Variants in CYP46A1 observed in about 807,000 individuals in gnomAD.
CYP46A1 encodes cytochrome P450 family 46 subfamily A member 1, also known as cholesterol 24-hydroxylase.
A neutral mutation model predicts 63.3 loss-of-function variants in CYP46A1; 20 were observed. That is an observed-to-expected ratio of 0.32 (90% CI 0.22 to 0.46). The LOEUF (loss-of-function observed/expected upper bound fraction) is 0.46. Ranked by LOEUF, CYP46A1 falls within the 20% of genes least tolerant of loss-of-function variation. CYP46A1 has a pLI of 1.00. For synonymous variants in CYP46A1, 268 were observed against 273.6 expected, an observed-to-expected ratio of 0.98 and a Z score of 0.20; for missense variants, 445 against 670.8, an observed-to-expected ratio of 0.66 and a Z score of 3.72.
Position 99,700,106 on chromosome 14 carries a change from G to T in CYP46A1, c.443+5G>T. 2 of 1,593,200 alleles carry T rather than the reference G, an allele frequency of 1.3e-6. No homozygotes were observed. Among genetic ancestry groups the T allele is most frequent in the Non-Finnish European group, 8.6e-7 (1 of 1,165,994 alleles). ...AGACCTGGCCTTCAGCCGGAGGTGA[G>T]TGTGGCCGGAGGCTCCGTGGCTCCT... On this transcript the variant is annotated splice_donor_5th_base_variant and intron_variant, in intron 5 of 14. Coordinates refer to ENST00000261835, the MANE Select transcript of CYP46A1 (RefSeq NM_006668.2).
In CYP46A1 at chr14:99,719,802, C is replaced by T. The variant is rs149137705; in HGVS notation, c.981-1437C>T. ...TTTAAGACAGAGTCTCACTCTGTCG[C>T]CCAGGCTGCAGTGCAGTGGCACAAT... On this transcript the variant is annotated intron_variant, in intron 10 of 14. Transcript: ENST00000261835. Among the ~76,000 whole-genome samples the T allele has an allele frequency of 4.9e-3, 730 of 148,802 alleles. 16 individuals are homozygous for T. In the Middle Eastern group the frequency reaches 0.051, roughly 10 times the overall value.
In CYP46A1 at chr14:99,726,745, A is replaced by C. The variant is rs928735159; in HGVS notation, c.*18A>C. ...CCTGCTGAGGGGGCCTCCAGGCAGG[A>C]CGAGACTCCTCGGGCAAGGGCCGTG... On this transcript the variant is annotated 3_prime_UTR_variant, in exon 15 of 15. Transcript: ENST00000261835. 3.3e-6 allele frequency: 5 copies of C among 1,498,652 alleles called. No individual in the cohort carries two copies. Among genetic ancestry groups the C allele is most frequent in the Non-Finnish European group, 4.5e-6 (5 of 1,120,616 alleles). The allele number at this position is 1,498,652 out of a possible 1,614,324, so 92.8% of individuals were successfully genotyped here.
At chr14:99,687,387 C>T (rs1398796612) in intron 1 of CYP46A1, among the ~76,000 whole-genome samples, 5 of 152,222 alleles carry the variant, frequency 3.3e-5, no homozygotes, top group African/African-American at 9.7e-5. Context: ...GGTTCCACTC[C>T]GATTTGCCCA....
At position 99,721,361 on chromosome 14, in the gene CYP46A1, G is replaced by A. The variant is rs372563862; in HGVS notation, c.1065+38G>A. 24 of 1,393,770 alleles carry A rather than the reference G, an allele frequency of 1.7e-5. No individual in the cohort carries two copies. In the East Asian group the frequency reaches 1.8e-4, roughly 11 times the overall value. The allele number at this position is 1,393,770 out of a possible 1,614,324, so 86.3% of individuals were successfully genotyped here. A position where few individuals can be genotyped will look rare whatever the true frequency, so the allele number is the denominator to read the frequency against. On this transcript the variant is annotated intron_variant, in intron 11 of 14. Coordinates refer to ENST00000261835, the MANE Select transcript of CYP46A1 (RefSeq NM_006668.2). ...GGAGGGAAGCTTCTGGGCGGATGTG[G>A]GTGATCATGTCATCATGCCTGCTTC...
chr14:99,716,064 G>T (rs1259909081), intron 8 of CYP46A1, 73 bp from the exon 9 acceptor site: 1 of 1,608,258 alleles, frequency 6.2e-7, no homozygotes, highest in African/African-American at 1.3e-5. Flanking sequence ...GAGAAACACA[G>T]TTAGTTATTT....
At chr14:99,696,948 CTT>C (rs1254164897) in intron 3 of CYP46A1, among the ~76,000 whole-genome samples, 1 of 152,168 alleles carries the variant, frequency 6.6e-6, no homozygotes, top group Non-Finnish European at 1.5e-5. Flanking sequence ...CTAGAGTAGA[CTT>C]TTACTTGAGA....
At chr14:99,710,264 A>G (rs1280252804) in intron 7 of CYP46A1, 1 of 152,104 alleles carries the variant, frequency 6.6e-6, no homozygotes, top group Non-Finnish European at 1.5e-5. Flanking sequence ...CAAAATATAT[A>G]CAGAAAACAA....
At position 99,707,657 on chromosome 14, in the gene CYP46A1, G is replaced by A. The variant is rs569614577; in HGVS notation, c.672G>A (p.Ala224=). ...AVKLMLEGIT[A]SRNTLAKFLP... ...AACTTATGTTGGAGGGAATCACTGCGTCCCGCAACACTCTGGCAAAGGTAC... is the reference window on the plus strand; with the variant it reads ...AACTTATGTTGGAGGGAATCACTGCATCCCGCAACACTCTGGCAAAGGTAC... The change falls in exon 7 of 15, where the codon GCG becomes GCA. Residue 224 remains alanine (A), a synonymous_variant. Coordinates refer to ENST00000261835, the MANE Select transcript of CYP46A1 (RefSeq NM_006668.2). The A allele has an allele frequency of 1.9e-5, 31 of 1,613,972 alleles. No homozygotes were observed. The highest frequency in any genetic ancestry group is 1.6e-4 in the African/African-American group (12 of 74,994).
intron 5 of CYP46A1, among the ~76,000 whole-genome samples, chr14:99,704,354 C>T (rs543775377): frequency 1.3e-5 from 2 of 152,228 alleles, no homozygotes; most frequent in African/African-American, 4.8e-5. Flanking sequence ...TTAGAAGATG[C>T]CTGTGTTTAT....
rs190228579 is a variant in CYP46A1 at position 99,726,868 on chromosome 14, C to A, written c.*141C>A. ...GGCTTCCAGCGGGCCCTCTGCCGACCGCCTGCTTCACACCCCTCAGCGCTC... is the reference window on the plus strand; with the variant it reads ...GGCTTCCAGCGGGCCCTCTGCCGACAGCCTGCTTCACACCCCTCAGCGCTC... On this transcript the variant is annotated 3_prime_UTR_variant, in exon 15 of 15. Coordinates refer to ENST00000261835, the MANE Select transcript of CYP46A1 (RefSeq NM_006668.2). 5.2e-3 allele frequency: 3,410 copies of A among 661,288 alleles called. 10 individuals are homozygous for A. Among genetic ancestry groups the A allele is most frequent in the Middle Eastern group, 0.011 (25 of 2,290 alleles). 41.0% of individuals were successfully genotyped at this position (661,288 alleles called of 1,614,324 possible).
At chr14:99,719,587 G>A (rs1460344293) in intron 10 of CYP46A1, among the ~76,000 whole-genome samples, 4 of 151,596 alleles carry the variant, frequency 2.6e-5, no homozygotes, top group African/African-American at 9.7e-5. Context: ...CCCCATCCCT[G>A]GTAACCACCA....
intron 6 of CYP46A1, among the ~76,000 whole-genome samples, chr14:99,707,299 T>A (rs976069029): frequency 2.6e-5 from 4 of 152,234 alleles, no homozygotes; most frequent in African/African-American, 7.2e-5. Flanking sequence ...TAGTATAGAA[T>A]GAACACTTAA....
chr14:99,691,198 G>T, intron 2 of CYP46A1, 37 bp downstream of exon 2: 2 of 1,606,956 alleles, frequency 1.2e-6, no homozygotes, highest in East Asian at 2.2e-5. Context: ...CCTTACTCCA[G>T]GTTCCCTTGG....
intron 1 of CYP46A1, among the ~76,000 whole-genome samples, chr14:99,686,113 A>G (rs1357271896): frequency 6.6e-6 from 1 of 152,188 alleles, no homozygotes; most frequent in Non-Finnish European, 1.5e-5. Context: ...GTACATGCAT[A>G]GTAGACACTC....
chr14:99,692,649 G>C (rs1381478902), intron 3 of CYP46A1, among the ~76,000 whole-genome samples: 4 of 152,136 alleles, frequency 2.6e-5, no homozygotes, highest in African/African-American at 9.7e-5. Flanking sequence ...GGCCAACATG[G>C]TGAAACCCTA....
At position 99,727,066 on chromosome 14, in the gene CYP46A1, C is replaced by T; in HGVS notation, c.*339C>T. 1 of 290,064 alleles carries T rather than the reference C, an allele frequency of 3.4e-6. No homozygotes were observed. The allele number at this position is 290,064 out of a possible 1,614,324, so 18.0% of individuals were successfully genotyped here. A position where few individuals can be genotyped will look rare whatever the true frequency, so the allele number is the denominator to read the frequency against. Reference sequence around the variant, plus strand: ...CAGGGGTCACCTCCTCCAAGAAGCCCTCCTTGCCACCCCCCGCCGGCAGGG... The same window carrying T: ...CAGGGGTCACCTCCTCCAAGAAGCCTTCCTTGCCACCCCCCGCCGGCAGGG... On this transcript the variant is annotated 3_prime_UTR_variant, in exon 15 of 15. Coordinates refer to ENST00000261835, the MANE Select transcript of CYP46A1 (RefSeq NM_006668.2).
intron 3 of CYP46A1, chr14:99,693,691 TTTC>T (rs1347651879): frequency 1.3e-5 from 2 of 152,224 alleles, no homozygotes; most frequent in Non-Finnish European, 2.9e-5. Context: ...AGTGATGTTA[TTTC>T]TTCTTTTAAT....
At chr14:99,718,201 TC>T in intron 10 of CYP46A1, 75 bp downstream of exon 10, 1 of 1,325,706 alleles carries the variant, frequency 7.5e-7, no homozygotes, top group Non-Finnish European at 1.1e-6. Context: ...TGCCCCCACC[TC>T]CCATGGTTGA....
At chr14:99,689,779 C>T (rs2056527696) in intron 1 of CYP46A1, among the ~76,000 whole-genome samples, 1 of 152,208 alleles carries the variant, frequency 6.6e-6, no homozygotes. Context: ...CTCTCCCAGT[C>T]CTTCCCTGTC....
Sources: gnomAD v4.1 joint callset for allele counts (sites outside exome capture counted in the v4.1 genomes callset) on GRCh38, gnomAD v4.1.1 for gene constraint, MANE v1.5 for transcripts, NCBI Gene and HGNC (gene_info 2026-07-23, HGNC 2026-07-21) for gene names.